Variants in KCNB2 observed in about 807,000 individuals in gnomAD.
KCNB2 encodes delayed rectifier potassium channel protein.
KCNB2 carries 15 observed loss-of-function variants against 61.5 expected under a neutral mutation model. That is an observed-to-expected ratio of 0.24 (90% CI 0.16 to 0.38). KCNB2 has a LOEUF of 0.38. Ranked by LOEUF, KCNB2 falls within the 10% of genes least tolerant of loss-of-function variation. The probability of loss-of-function intolerance (pLI) is 1.00; values close to 1 mark genes in which losing one functional copy is unlikely to be tolerated. For synonymous variants in KCNB2, 457 were observed against 446.0 expected (o/e 1.02, Z -0.31); for missense variants, 828 against 1,125.2 (o/e 0.74, Z 3.78).
chr8:72,810,935 A>G (rs922149476), intron 2 of KCNB2, among the ~76,000 whole-genome samples: 1 of 152,210 alleles, frequency 6.6e-6, no homozygotes, highest in African/African-American at 2.4e-5. Flanking sequence ...CATATGAATC[A>G]TGGCTGAATT....
At chr8:72,609,115 A>G (rs1446383941) in intron 2 of KCNB2, among the ~76,000 whole-genome samples, 3 of 152,186 alleles carry the variant, frequency 2.0e-5, no homozygotes, top group Admixed American at 6.5e-5. Context: ...TGTAAAGATA[A>G]GGAAACTGAG....
chr8:72,917,741 G>GT (rs1262455517), intron 2 of KCNB2, among the ~76,000 whole-genome samples: 1 of 152,172 alleles, frequency 6.6e-6, no homozygotes, highest in African/African-American at 2.4e-5. Flanking sequence ...ATAGGTGAAT[G>GT]TTTTTGCGGT....
Position 72,713,096 on chromosome 8 carries a change from G to A in KCNB2, c.579+144783G>A, listed in dbSNP as rs183758491. On this transcript the variant is annotated intron_variant, in intron 2 of 2. Coordinates refer to ENST00000523207, the MANE Select transcript of KCNB2 (RefSeq NM_004770.3). ...GCAGTCTGAGATAAAGCTGCAAGGC[G>A]GCAGCAAGGCTGGGGGAGGGGCGCC... 9.2e-5 allele frequency among the ~76,000 whole-genome samples: 14 copies of A among 152,342 alleles called. 1 individual carries two copies. The highest frequency in any genetic ancestry group is 4.1e-4 in the South Asian group (2 of 4,830).
chr8:72,773,882 A>T (rs966839135), intron 2 of KCNB2, among the ~76,000 whole-genome samples: 13 of 152,290 alleles, frequency 8.5e-5, no homozygotes, highest in South Asian at 2.1e-4. Context: ...GGTTGATATG[A>T]GATATAATAA....
At chr8:72,685,547 G>C (rs1196628919) in intron 2 of KCNB2, among the ~76,000 whole-genome samples, 4 of 152,132 alleles carry the variant, frequency 2.6e-5, no homozygotes, top group African/African-American at 9.7e-5. Flanking sequence ...GAAGTCCAGA[G>C]AGCCATGGGA....
chr8:72,683,577 T>A (rs796878096), intron 2 of KCNB2, among the ~76,000 whole-genome samples: 2 of 152,176 alleles, frequency 1.3e-5, no homozygotes, highest in African/African-American at 4.8e-5. Context: ...TGGAAGGAGC[T>A]TCTGATTGGC....
chr8:72,780,281 C>A (rs372005936), intron 2 of KCNB2, among the ~76,000 whole-genome samples: 22 of 152,288 alleles, frequency 1.4e-4, no homozygotes, highest in African/African-American at 5.1e-4. Flanking sequence ...ATCTTGAAAT[C>A]ATTTTATCTT....
intron 2 of KCNB2, among the ~76,000 whole-genome samples, chr8:72,699,832 A>G (rs1180245474): frequency 6.6e-6 from 1 of 152,122 alleles, no homozygotes; most frequent in Non-Finnish European, 1.5e-5. Context: ...TGACCCAGCA[A>G]TCCCATTATG....
intron 2 of KCNB2, among the ~76,000 whole-genome samples, chr8:72,624,782 TG>T (rs1167564341): frequency 6.6e-6 from 1 of 152,166 alleles, no homozygotes; most frequent in African/African-American, 2.4e-5. Flanking sequence ...GCAAAGGCAG[TG>T]GGATGTACTT....
At chr8:72,678,233 A>T (rs1488631743) in intron 2 of KCNB2, among the ~76,000 whole-genome samples, 1 of 152,204 alleles carries the variant, frequency 6.6e-6, no homozygotes, top group African/African-American at 2.4e-5. Context: ...GTTTATTGCA[A>T]GATCATCCTA....
chr8:72,862,798 G>A (rs1032507781), intron 2 of KCNB2, among the ~76,000 whole-genome samples: 4 of 152,130 alleles, frequency 2.6e-5, no homozygotes, highest in Admixed American at 6.6e-5. Context: ...AGGCTGTCTA[G>A]GTAGAAACAC....
At position 72,938,109 on chromosome 8, in the gene KCNB2, A is replaced by G; in HGVS notation, c.*18A>G. 5 of 1,543,468 alleles carry G rather than the reference A, an allele frequency of 3.2e-6. No individual in the cohort carries two copies. Among genetic ancestry groups the G allele is most frequent in the Non-Finnish European group, 4.4e-6 (5 of 1,137,132 alleles). On this transcript the variant is annotated 3_prime_UTR_variant, in exon 3 of 3. Transcript: ENST00000523207. ...GCATGTGACTAGTTACAAAAGCAAT[A>G]AATTGAAACAAAACAAAACAAAACA...
intron 1 of KCNB2, among the ~76,000 whole-genome samples, chr8:72,566,428 G>A (rs752397798): frequency 7.9e-5 from 12 of 152,102 alleles, no homozygotes; most frequent in African/African-American, 2.7e-4. Flanking sequence ...GGCTGGGCAC[G>A]GTGGCTCATG....
chr8:72,561,763 A>ATATG (rs1806532493), intron 1 of KCNB2, among the ~76,000 whole-genome samples: 1 of 6,190 alleles, frequency 1.6e-4, no homozygotes, highest in African/African-American at 6.4e-4. Flanking sequence ...ATATATATGG[A>ATATG]TATATATATA....
intron 2 of KCNB2, among the ~76,000 whole-genome samples, chr8:72,848,092 A>G (rs1406178456): frequency 1.3e-5 from 2 of 152,188 alleles, no homozygotes; most frequent in African/African-American, 4.8e-5. Context: ...CATGAATCCT[A>G]AATATTAATG....
chr8:72,577,333 G>T (rs757981448), intron 2 of KCNB2, among the ~76,000 whole-genome samples: 1 of 151,598 alleles, frequency 6.6e-6, no homozygotes, highest in Admixed American at 6.6e-5. Flanking sequence ...GAAAGAGATA[G>T]AGAGAGAGAG....
intron 2 of KCNB2, among the ~76,000 whole-genome samples, chr8:72,581,781 G>T (rs148069308): frequency 6.6e-6 from 1 of 152,192 alleles, no homozygotes; most frequent in African/African-American, 2.4e-5. Flanking sequence ...ATGCTACAGG[G>T]TTTATGCAAA....
intron 2 of KCNB2, among the ~76,000 whole-genome samples, chr8:72,785,907 C>A (rs116463417): frequency 0.017 from 2,513 of 152,082 alleles, 83 homozygotes; most frequent in African/African-American, 0.057. Context: ...TTCCCCATAA[C>A]CAGCATACTG....
chr8:72,746,488 A>AAAAC (rs1378782213), intron 2 of KCNB2, among the ~76,000 whole-genome samples: 1 of 152,172 alleles, frequency 6.6e-6, no homozygotes, highest in African/African-American at 2.4e-5. Flanking sequence ...AAAGAAATAT[A>AAAAC]AAACAAACAA....
Sources: allele counts gnomAD v4.1 joint callset (sites outside exome capture counted in the v4.1 genomes callset), GRCh38; gene constraint gnomAD v4.1.1; transcripts MANE v1.5; gene names NCBI Gene and HGNC (gene_info 2026-07-23, HGNC 2026-07-21).